The following DLGAP2 variants were observed in gnomAD, a reference collection of about 807,000 sequenced individuals.
The protein encoded by DLGAP2 is disks large-associated protein 2.
Under a neutral mutation model 100.3 loss-of-function variants are expected in DLGAP2, and 26 were observed. The observed-to-expected ratio is 0.26, with a 90% CI of 0.19 to 0.36. DLGAP2 has a LOEUF of 0.36. DLGAP2 is among the 10% of genes least tolerant of loss of function. The probability of loss-of-function intolerance (pLI) is 1.00; values close to 1 mark genes in which losing one functional copy is unlikely to be tolerated. For synonymous variants in DLGAP2, 886 were observed against 630.1 expected, an observed-to-expected ratio of 1.41 and a Z score of -6.08; for missense variants, 1,858 against 1,453.2, an observed-to-expected ratio of 1.28 and a Z score of -4.53.
At chr8:1,422,152 T>C (rs1797105771) in intron 3 of DLGAP2, among the ~76,000 whole-genome samples, 1 of 152,154 alleles carries the variant, frequency 6.6e-6, no homozygotes, top group Non-Finnish European at 1.5e-5. Context: ...ACGGACCACA[T>C]GGCTGAGTCG....
chr8:1,062,258 A>G (rs1317173658), intron 2 of DLGAP2, among the ~76,000 whole-genome samples: 1 of 152,192 alleles, frequency 6.6e-6, no homozygotes, highest in African/African-American at 2.4e-5. Context: ...TGGGCCATGC[A>G]TCGCAGTCCT....
At position 1,329,713 on chromosome 8, in the gene DLGAP2, C is replaced by T. The variant is rs549610842; in HGVS notation, c.106+70830C>T. Among the ~76,000 whole-genome samples the T allele has an allele frequency of 2.6e-5, 4 of 152,276 alleles. No homozygotes were observed. In the South Asian group the frequency reaches 6.2e-4, roughly 24 times the overall value. The stretch of plus-strand genomic sequence containing the variant: ...TGAAGATGAGCCGTGCGTGAGGTCA[C>T]CTTCTAACAGCAGAGACCCTGGGGC... On this transcript the variant is annotated intron_variant, in intron 3 of 14. Transcript: ENST00000637795.
intron 3 of DLGAP2, among the ~76,000 whole-genome samples, chr8:1,411,254 G>T (rs1237829875): frequency 6.6e-6 from 1 of 152,294 alleles, no homozygotes; most frequent in African/African-American, 2.4e-5. Flanking sequence ...TTTTAACAAT[G>T]TGCAATGCAT....
intron 14 of DLGAP2, 118 bp downstream of exon 14, chr8:1,697,417 C>T: frequency 7.1e-7 from 1 of 1,405,204 alleles, no homozygotes; most frequent in Non-Finnish European, 9.6e-7. Context: ...AACACACGAG[C>T]AAATTTCCCT....
intron 3 of DLGAP2, among the ~76,000 whole-genome samples, chr8:1,452,382 G>A (rs1375628456): frequency 1.3e-5 from 2 of 152,254 alleles, no homozygotes; most frequent in African/African-American, 2.4e-5. Context: ...GCCCTGAGCC[G>A]AGGCTATGCG....
In DLGAP2 at chr8:1,701,696, A is replaced by G. The variant is rs1454017034; in HGVS notation, c.*290A>G. 1 of 433,990 alleles carries G rather than the reference A, an allele frequency of 2.3e-6. No homozygotes were observed. Among genetic ancestry groups the G allele is most frequent in the Admixed American group, 4.1e-5 (1 of 24,686 alleles). The allele number at this position is 433,990 out of a possible 1,614,324, so 26.9% of individuals were successfully genotyped here. Reference sequence around the variant, plus strand: ...GACCTGATTTCTCCTGCGTGTTCTCAGAGGACGGCGAGAAATGCCTCTGGA... The same window carrying G: ...GACCTGATTTCTCCTGCGTGTTCTCGGAGGACGGCGAGAAATGCCTCTGGA... On this transcript the variant is annotated 3_prime_UTR_variant, in exon 15 of 15. Coordinates refer to ENST00000637795, the MANE Select transcript of DLGAP2 (RefSeq NM_001346810.2).
chr8:1,514,768 A>G (rs1226457209), intron 4 of DLGAP2, among the ~76,000 whole-genome samples: 1 of 152,182 alleles, frequency 6.6e-6, no homozygotes, highest in African/African-American at 2.4e-5. Flanking sequence ...CTCCTAGTCC[A>G]TGTAGCTGCT....
chr8:871,409 G>A (rs1222784732), intron 1 of DLGAP2, among the ~76,000 whole-genome samples: 1 of 152,180 alleles, frequency 6.6e-6, no homozygotes, highest in African/African-American at 2.4e-5. Flanking sequence ...AATCTGACAG[G>A]GTGATCCTGC....
chr8:1,456,383 C>T (rs1798312634), intron 3 of DLGAP2, among the ~76,000 whole-genome samples: 1 of 152,088 alleles, frequency 6.6e-6, no homozygotes, highest in African/African-American at 2.4e-5. Flanking sequence ...ACTAATGGTG[C>T]CGTGTATCTA....
At chr8:1,563,930 C>T (rs961890111) in intron 5 of DLGAP2, among the ~76,000 whole-genome samples, 3 of 152,030 alleles carry the variant, frequency 2.0e-5, no homozygotes, top group African/African-American at 7.2e-5. Context: ...AAGTATTTTA[C>T]AGCAAGGAAA....
At chr8:1,002,056 T>G (rs1043413139) in intron 2 of DLGAP2, 1 of 152,180 alleles carries the variant, frequency 6.6e-6, no homozygotes, top group Admixed American at 6.5e-5. Context: ...TTACATAGAT[T>G]TCCTCAATTG....
intron 4 of DLGAP2, among the ~76,000 whole-genome samples, chr8:1,515,523 C>T (rs372823501): frequency 1.8e-4 from 28 of 152,254 alleles, no homozygotes; most frequent in African/African-American, 6.7e-4. Flanking sequence ...GGTGCATGCA[C>T]ATGCAGACAC....
intron 8 of DLGAP2, among the ~76,000 whole-genome samples, chr8:1,654,138 A>G (rs1798229661): frequency 6.6e-6 from 1 of 152,156 alleles, no homozygotes; most frequent in Admixed American, 6.5e-5. Flanking sequence ...ATTCTGATAC[A>G]ACTTCAGTAT....
chr8:1,668,386 C>A lies in DLGAP2; in HGVS notation c.1868C>A (p.Ser623Tyr). Residue 623 changes from serine (S) to tyrosine (Y), a missense_variant, in exon 9 of 15, where the codon TCC (serine) becomes TAC (tyrosine). Coordinates refer to ENST00000637795, the MANE Select transcript of DLGAP2 (RefSeq NM_001346810.2). ...TPPPVPPRTT[S>Y]KPLISVTAQS... ...CCACCGGTGCCCCCTCGGACCACCT[C>A]CAAGCCTCTGATCTCGGTGACGGCG... is the stretch of plus-strand genomic sequence containing the variant. 1.2e-6 allele frequency: 2 copies of A among 1,601,004 alleles called. No homozygotes were observed. Among genetic ancestry groups the A allele is most frequent in the Non-Finnish European group, 1.7e-6 (2 of 1,174,052 alleles).
intron 7 of DLGAP2, among the ~76,000 whole-genome samples, chr8:1,631,005 C>A (rs1395402679): frequency 6.8e-6 from 1 of 147,598 alleles, no homozygotes; most frequent in Non-Finnish European, 1.5e-5. Context: ...AGGGTCTCGG[C>A]GGGAGGTCCG....
At chr8:1,257,692 G>A (rs1382644050) in intron 2 of DLGAP2, among the ~76,000 whole-genome samples, 2 of 151,510 alleles carry the variant, frequency 1.3e-5, no homozygotes, top group Non-Finnish European at 2.9e-5. Flanking sequence ...GTGCAGGCCA[G>A]TGCTGGCGTG....
At chr8:911,753 G>T (rs1204147425) in intron 2 of DLGAP2, among the ~76,000 whole-genome samples, 1 of 152,110 alleles carries the variant, frequency 6.6e-6, no homozygotes, top group Non-Finnish European at 1.5e-5. Context: ...GCTGGAGAAT[G>T]TTGGAAGGAT....
chr8:861,888 A>T (rs775885890), intron 1 of DLGAP2, among the ~76,000 whole-genome samples: 5 of 152,342 alleles, frequency 3.3e-5, no homozygotes, highest in Middle Eastern at 6.8e-3. Context: ...TTTATCCATT[A>T]GGTAATATTG....
intron 4 of DLGAP2, among the ~76,000 whole-genome samples, chr8:1,540,041 T>A (rs1320670786): frequency 1.3e-5 from 2 of 152,170 alleles, no homozygotes; most frequent in Non-Finnish European, 2.9e-5. Context: ...CAGGGCCTCC[T>A]CTTGCCTGCT....
Sources: gnomAD v4.1 joint callset for allele counts (sites outside exome capture counted in the v4.1 genomes callset) on GRCh38, gnomAD v4.1.1 for gene constraint, MANE v1.5 for transcripts, NCBI Gene and HGNC (gene_info 2026-07-23, HGNC 2026-07-21) for gene names.